The following TRPM1 variants were observed in gnomAD, a reference collection of about 807,000 sequenced individuals.
TRPM1 encodes TRPM1-203 APA Isoform, Intron 10.
A neutral mutation model predicts 149.4 loss-of-function variants in TRPM1; 113 were observed. The ratio of observed to expected loss-of-function variants is 0.76; its 90% CI spans 0.65 to 0.88. The LOEUF (loss-of-function observed/expected upper bound fraction) is 0.88, where lower values mean the gene tolerates loss of function less well. Among genes scored for constraint, TRPM1 ranks in the 40% least tolerant of loss-of-function variants. TRPM1 has a pLI of 0.00. For missense variants in TRPM1, 1,976 were observed against 2,038.7 expected (o/e 0.97, Z 0.59); for synonymous variants, 741 against 759.5 (o/e 0.98, Z 0.40).
intron 9 of TRPM1, among the ~76,000 whole-genome samples, chr15:31,061,788 G>A (rs549557492): frequency 1.3e-5 from 2 of 151,920 alleles, no homozygotes; most frequent in Admixed American, 6.6e-5. Context: ...AGGTTCAAGC[G>A]ATTCTCCTAT....
At chr15:31,090,493 C>T (rs980568748) in intron 1 of TRPM1, among the ~76,000 whole-genome samples, 1 of 151,878 alleles carries the variant, frequency 6.6e-6, no homozygotes, top group Admixed American at 6.6e-5. Context: ...AAAAATTAGC[C>T]AGGTGTGGTG....
chr15:31,085,337 A>T (rs2034970909), intron 1 of TRPM1, among the ~76,000 whole-genome samples: 1 of 152,222 alleles, frequency 6.6e-6, no homozygotes, highest in Non-Finnish European at 1.5e-5. Flanking sequence ...TCATTCCATC[A>T]TTTAGGACAT....
intron 11 of TRPM1, 32 bp downstream of exon 11, chr15:31,060,512 C>G: frequency 6.4e-7 from 1 of 1,566,956 alleles, no homozygotes; most frequent in Non-Finnish European, 8.8e-7. Context: ...AAGTCAAGAT[C>G]AATGATATGA....
At chr15:31,049,246 G>A (rs1038801384) in intron 13 of TRPM1, 129 bp downstream of exon 13, 12 of 1,362,802 alleles carry the variant, frequency 8.8e-6, no homozygotes, top group Admixed American at 3.4e-5. Context: ...AGAAGTAGCC[G>A]CCTGCCATTA....
rs544877536 is a variant in TRPM1, at chr15:31,029,515, T to G, written c.3128-124A>C. On this transcript the variant is annotated intron_variant, in intron 23 of 27. Coordinates refer to ENST00000256552, the MANE Select transcript of TRPM1 (RefSeq NM_001252024.2). ...TGGTTTAACAACATAACTGTTTTGC[T>G]GTGAAGAAATGCAAATATTTTAAGC... is the stretch of plus-strand genomic sequence containing the variant. 228 of 902,946 alleles carry G rather than the reference T, an allele frequency of 2.5e-4. No individual in the cohort carries two copies. In the African/African-American group the frequency reaches 3.4e-3, roughly 14 times the overall value. 55.9% of individuals were successfully genotyped at this position (902,946 alleles called of 1,614,324 possible). A position where few individuals can be genotyped will look rare whatever the true frequency, so the allele number is the denominator to read the frequency against.
intron 2 of TRPM1, among the ~76,000 whole-genome samples, chr15:31,079,467 C>T (rs2034799381): frequency 6.6e-6 from 1 of 152,236 alleles, no homozygotes; most frequent in African/African-American, 2.4e-5. Context: ...AGGGAAACCG[C>T]TCTCCAGGGC....
In TRPM1 at chr15:31,128,914, G is replaced by T. The variant is rs563521358; in HGVS notation, c.54+31992C>A. Among the ~76,000 whole-genome samples the T allele has an allele frequency of 6.6e-5, 10 of 152,356 alleles. No homozygotes were observed. The East Asian group carries it at 1.9e-3, about 29-fold the overall frequency. On this transcript the variant is annotated intron_variant, in intron 1 of 26. Transcript: ENST00000542188. ...AGCTAATTCAGATGAAAGCCCCCCC[G>T]CTCCGGCTTCCAGTCAGAGGTGGCT...
chr15:31,012,763 G>C (rs2032231115), intron 27 of TRPM1, among the ~76,000 whole-genome samples: 1 of 151,960 alleles, frequency 6.6e-6, no homozygotes, highest in Admixed American at 6.6e-5. Flanking sequence ...CTGCTGGATG[G>C]TGTTCTACAG....
At chr15:31,058,045 C>G (rs1460457191) in intron 11 of TRPM1, among the ~76,000 whole-genome samples, 1 of 152,090 alleles carries the variant, frequency 6.6e-6, no homozygotes, top group Non-Finnish European at 1.5e-5. Flanking sequence ...TACACAGTCT[C>G]AGAAGACTGC....
At chr15:31,047,602 C>T (rs964598281) in intron 14 of TRPM1, among the ~76,000 whole-genome samples, 1 of 152,192 alleles carries the variant, frequency 6.6e-6, no homozygotes, top group Admixed American at 6.5e-5. Flanking sequence ...AGCAGCCAGG[C>T]CACCCCCTTC....
intron 1 of TRPM1, among the ~76,000 whole-genome samples, chr15:31,130,332 T>C (rs2036001044): frequency 6.6e-6 from 1 of 152,188 alleles, no homozygotes; most frequent in African/African-American, 2.4e-5. Flanking sequence ...CCTAACCGAC[T>C]CCATCTTGCT....
chr15:31,114,391 T>C (rs895564884), intron 1 of TRPM1, among the ~76,000 whole-genome samples: 2 of 152,240 alleles, frequency 1.3e-5, no homozygotes, highest in African/African-American at 4.8e-5. Flanking sequence ...GGTGTATATG[T>C]ACCACATGTT....
intron 1 of TRPM1, among the ~76,000 whole-genome samples, chr15:31,160,541 A>G (rs2036431451): frequency 6.6e-6 from 1 of 152,196 alleles, no homozygotes; most frequent in Admixed American, 6.5e-5. Context: ...GCTTGAGTCC[A>G]GCAGAGAGAA....
chr15:31,050,643 C>G, intron 11 of TRPM1, 61 bp from the exon 12 acceptor site: 1 of 1,591,928 alleles, frequency 6.3e-7, no homozygotes, highest in Non-Finnish European at 8.6e-7. Context: ...GTCCCCAGAC[C>G]AGCTCATTGA....
At chr15:31,055,987 T>C (rs1471925066) in intron 11 of TRPM1, among the ~76,000 whole-genome samples, 1 of 152,190 alleles carries the variant, frequency 6.6e-6, no homozygotes, top group African/African-American at 2.4e-5. Context: ...AGATATTGCA[T>C]CTGTGAGATG....
At chr15:31,131,179 T>A (rs2036011048) in intron 1 of TRPM1, among the ~76,000 whole-genome samples, 1 of 151,974 alleles carries the variant, frequency 6.6e-6, no homozygotes, top group African/African-American at 2.4e-5. Flanking sequence ...CCTATCTGTG[T>A]TGTTTACACC....
chr15:31,141,585 A>C (rs563790305), intron 1 of TRPM1, among the ~76,000 whole-genome samples: 1 of 152,330 alleles, frequency 6.6e-6, no homozygotes, highest in South Asian at 2.1e-4. Flanking sequence ...TTGATAGAAA[A>C]ATGTTGAAAA....
At chr15:31,008,325 T>C (rs1371858989) in intron 27 of TRPM1, among the ~76,000 whole-genome samples, 2 of 152,232 alleles carry the variant, frequency 1.3e-5, no homozygotes, top group Non-Finnish European at 2.9e-5. Context: ...TTTATGTAAA[T>C]GCCATTTGTC....
chr15:31,026,165 G>C lies in TRPM1; in HGVS notation c.3603C>G (p.Asp1201Glu). The C allele has an allele frequency of 6.2e-7, 1 of 1,612,116 alleles. No homozygotes were observed. Among genetic ancestry groups the C allele is most frequent in the East Asian group, 2.2e-5 (1 of 44,884 alleles). The change falls in exon 27 of 28, where the codon GAC (aspartate) becomes GAG (glutamate). Residue 1201 changes from aspartate (D) to glutamate (E), a missense_variant. Asp to Glu is a conservative substitution (Grantham distance 45). Coordinates refer to ENST00000256552, the MANE Select transcript of TRPM1 (RefSeq NM_001252024.2). Reference sequence around the variant, plus strand: ...TTTCAGAAGTGACCCGGATGCGCTCGTCGCTGGACGACTGCTGCTCATCCT... The same window carrying C: ...TTTCAGAAGTGACCCGGATGCGCTCCTCGCTGGACGACTGCTGCTCATCCT... ...EKEDEQQSSS[D>E]ERIRVTSERV...
Sources: gnomAD v4.1 joint callset for allele counts (sites outside exome capture counted in the v4.1 genomes callset) on GRCh38, gnomAD v4.1.1 for gene constraint, MANE v1.5 for transcripts, NCBI Gene and HGNC (gene_info 2026-07-23, HGNC 2026-07-21) for gene names.